POU6F2: variants seen among roughly 807,000 people sequenced by gnomAD.
POU6F2 encodes POU class 6 homeobox 2.
In POU6F2, 31 loss-of-function variants were observed where a neutral mutation model predicts 71.3. That is an observed-to-expected ratio of 0.43 (90% CI 0.33 to 0.59). POU6F2 has a LOEUF of 0.59. Ranked by LOEUF, POU6F2 falls within the 20% of genes least tolerant of loss-of-function variation. The probability of loss-of-function intolerance (pLI) is 0.04; values close to 1 mark genes in which losing one functional copy is unlikely to be tolerated. For missense variants in POU6F2, 783 were observed against 856.8 expected (o/e 0.91, Z 1.07); for synonymous variants, 347 against 355.7 (o/e 0.98, Z 0.27).
rs147402334 is a variant in POU6F2, at chr7:39,428,779, C to T, written c.1114-4298C>T. Among the ~76,000 whole-genome samples, 324 of 152,132 alleles carry T rather than the reference C, an allele frequency of 2.1e-3. 2 individuals are homozygous for T. Among genetic ancestry groups the T allele is most frequent in the African/African-American group, 7.1e-3 (293 of 41,490 alleles). ...CCATTTCAGCACTTCCCTACACTCC[C>T]GTCAAAACTCACTCATCAAGTTCAT... On this transcript the variant is annotated intron_variant, in intron 6 of 9. Transcript: ENST00000518318.
At chr7:39,075,675 G>A (rs1790986734) in intron 1 of POU6F2, among the ~76,000 whole-genome samples, 1 of 152,230 alleles carries the variant, frequency 6.6e-6, no homozygotes, top group African/African-American at 2.4e-5. Context: ...TGGGACCACA[G>A]TTAGTGCTGT....
chr7:39,377,355 T>C (rs1427770829), intron 5 of POU6F2, among the ~76,000 whole-genome samples: 1 of 152,146 alleles, frequency 6.6e-6, no homozygotes, highest in East Asian at 1.9e-4. Context: ...GGTCTTGAAC[T>C]CCTGACCTCA....
chr7:39,339,934 G>A lies in POU6F2; in HGVS notation c.891G>A (p.Gln297=), dbSNP rs200308619. 1.4e-5 allele frequency: 22 copies of A among 1,613,890 alleles called. 1 individual carries two copies. In the East Asian group the frequency reaches 1.8e-4, roughly 13 times the overall value. Residue 297 remains glutamine (Q), a synonymous_variant, in exon 5 of 10, where the codon CAG becomes CAA. Transcript: ENST00000518318. ...QNQNQPSPTQ[Q]SSSPPQKPSQ... ...AGAACCAACCATCTCCAACCCAGCA[G>A]AGCTCCAGCCCCCCGCAGAAACCTA...
At chr7:39,352,169 T>C (rs1786150361) in intron 5 of POU6F2, among the ~76,000 whole-genome samples, 1 of 152,234 alleles carries the variant, frequency 6.6e-6, no homozygotes, top group Non-Finnish European at 1.5e-5. Context: ...AAGCCATTTC[T>C]ACAAAACTGA....
Position 39,390,599 on chromosome 7 carries a change from T to C in POU6F2, c.973-16001T>C, listed in dbSNP as rs540192579. Among the ~76,000 whole-genome samples the C allele has an allele frequency of 4.4e-4, 67 of 152,312 alleles. 1 individual carries two copies. The South Asian group carries it at 0.011, about 24-fold the overall frequency. On this transcript the variant is annotated intron_variant, in intron 5 of 9. Coordinates refer to ENST00000518318, the MANE Select transcript of POU6F2 (RefSeq NM_001370959.1). ...TTGAGAAGCATCTAGGTTTGGAAGA[T>C]AGAGTCCTTCCTTTAGCTGTAGTTG...
intron 3 of POU6F2, 67 bp downstream of exon 3, chr7:39,204,393 A>G: frequency 7.7e-7 from 1 of 1,292,582 alleles, no homozygotes; most frequent in Non-Finnish European, 1.1e-6. Flanking sequence ...AAATCACCAA[A>G]TAAATAATAA....
At chr7:39,163,592 AAAAT>A (rs1214807414) in intron 2 of POU6F2, among the ~76,000 whole-genome samples, 2 of 152,342 alleles carry the variant, frequency 1.3e-5, no homozygotes, top group African/African-American at 2.4e-5. Flanking sequence ...ATTAAAATAA[AAAAT>A]AAATAAACCT....
intron 5 of POU6F2, among the ~76,000 whole-genome samples, chr7:39,397,814 G>GTATATATA (rs150006644): frequency 0.24 from 30,833 of 128,108 alleles, 4,152 homozygotes; most frequent in East Asian, 0.45. Context: ...TATATTTTGT[G>GTATATATA]TATATATATA....
At chr7:39,286,982 C>T (rs146224956) in intron 4 of POU6F2, among the ~76,000 whole-genome samples, 106 of 149,866 alleles carry the variant, frequency 7.1e-4, no homozygotes, top group African/African-American at 2.5e-3. Context: ...AGTTTGTAGT[C>T]GAATAAGAAT....
chr7:39,018,357 C>T (rs1293058653), intron 1 of POU6F2, among the ~76,000 whole-genome samples: 3 of 152,156 alleles, frequency 2.0e-5, no homozygotes, highest in Non-Finnish European at 2.9e-5. Context: ...AGCCCACCCT[C>T]TAGTTACTGT....
At chr7:39,104,434 T>C (rs1014002593) in intron 2 of POU6F2, among the ~76,000 whole-genome samples, 1 of 152,208 alleles carries the variant, frequency 6.6e-6, no homozygotes, top group African/African-American at 2.4e-5. Context: ...ATCTGCCCGG[T>C]GGCTGGAACC....
chr7:39,224,376 C>CAA (rs113802081), intron 4 of POU6F2, among the ~76,000 whole-genome samples: 12 of 132,030 alleles, frequency 9.1e-5, no homozygotes, highest in Non-Finnish European at 1.2e-4. Flanking sequence ...CACTTAAAAC[C>CAA]AAAAAAAAAA....
At chr7:39,372,717 G>A (rs995831757) in intron 5 of POU6F2, among the ~76,000 whole-genome samples, 5 of 152,098 alleles carry the variant, frequency 3.3e-5, no homozygotes, top group East Asian at 1.9e-4. Context: ...TAAAATTAAC[G>A]ATCACCAGGG....
intron 2 of POU6F2, among the ~76,000 whole-genome samples, chr7:39,154,460 T>G (rs1792824551): frequency 6.6e-6 from 1 of 152,220 alleles, no homozygotes; most frequent in Admixed American, 6.5e-5. Context: ...GCACTGTTAC[T>G]GTTATGTGCT....
intron 2 of POU6F2, among the ~76,000 whole-genome samples, chr7:39,098,256 T>G (rs1373919144): frequency 6.6e-6 from 1 of 152,000 alleles, no homozygotes; most frequent in Non-Finnish European, 1.5e-5. Flanking sequence ...TTTTATTTAT[T>G]TATTCATTCA....
intron 1 of POU6F2, among the ~76,000 whole-genome samples, chr7:39,006,177 A>C (rs1243125509): frequency 6.6e-6 from 1 of 152,110 alleles, no homozygotes; most frequent in Non-Finnish European, 1.5e-5. Context: ...TTAATAATAC[A>C]GTTGGGCCGG....
chr7:39,255,392 A>G (rs1241905895), intron 4 of POU6F2, among the ~76,000 whole-genome samples: 1 of 152,228 alleles, frequency 6.6e-6, no homozygotes, highest in Non-Finnish European at 1.5e-5. Flanking sequence ...AAATTCTTAC[A>G]TATGCCTCAT....
intron 1 of POU6F2, among the ~76,000 whole-genome samples, chr7:39,035,237 G>A (rs1361306112): frequency 6.6e-6 from 1 of 152,006 alleles, no homozygotes; most frequent in African/African-American, 2.4e-5. Context: ...CTCTGCAGGG[G>A]CAAGAAGATC....
At chr7:39,165,690 A>G (rs1793099782) in intron 2 of POU6F2, among the ~76,000 whole-genome samples, 1 of 152,214 alleles carries the variant, frequency 6.6e-6, no homozygotes, top group Non-Finnish European at 1.5e-5. Context: ...AAGATGCTTA[A>G]GATAAAAGAG....
Sources: allele counts gnomAD v4.1 joint callset (sites outside exome capture counted in the v4.1 genomes callset), GRCh38; gene constraint gnomAD v4.1.1; transcripts MANE v1.5; gene names NCBI Gene and HGNC (gene_info 2026-07-23, HGNC 2026-07-21).